LRRN2: variants seen among roughly 807,000 people sequenced by gnomAD.
LRRN2 encodes the protein leucine rich repeat neuronal 2.
A neutral mutation model predicts 35.7 loss-of-function variants in LRRN2; 10 were observed. The observed-to-expected ratio is 0.28, with a 90% confidence interval of 0.17 to 0.47. LRRN2 has a LOEUF of 0.47. LRRN2 is among the 20% of genes least tolerant of loss of function. LRRN2 has a pLI of 0.99. For missense variants in LRRN2, 731 were observed against 940.3 expected (o/e 0.78, Z 2.91); for synonymous variants, 391 against 409.6 (o/e 0.95, Z 0.55).
chr1:204,684,915 C>T (rs1012880917), intron 1 of LRRN2, among the ~76,000 whole-genome samples: 16 of 152,356 alleles, frequency 1.1e-4, no homozygotes, highest in African/African-American at 3.6e-4. Flanking sequence ...CACGCCCTCC[C>T]TAACCTCACT....
At chr1:204,624,800 G>A (rs1436240070) in intron 1 of LRRN2, among the ~76,000 whole-genome samples, 1 of 150,524 alleles carries the variant, frequency 6.6e-6, no homozygotes, top group Non-Finnish European at 1.5e-5. Flanking sequence ...GGTGGCAGGT[G>A]GTGATCGATT....
intron 1 of LRRN2, among the ~76,000 whole-genome samples, chr1:204,651,783 ACT>A (rs1407925780): frequency 9.2e-5 from 14 of 151,824 alleles, no homozygotes; most frequent in African/African-American, 3.4e-4. Flanking sequence ...CGCTCAGAAA[ACT>A]CTTTCAAATG....
rs748128766 is a variant in LRRN2, at chr1:204,619,273, C to G, written c.720G>C (p.Glu240Asp). The change falls in exon 2 of 2, where the codon GAG becomes GAC. Residue 240 changes from glutamate to aspartate, a missense_variant. Physicochemically the swap from Glu to Asp is conservative, Grantham distance 45. Transcript: ENST00000367177. ...GCTGGTTGTCATAGAAGGAGAGGCT[C>G]TCCAGGCTTTGCAGCCCCTCCAGGG... Reference protein sequence around the residue: ...DYALEGLQSLESLSFYDNQLA... With the variant: ...DYALEGLQSLDSLSFYDNQLA... 1 of 1,614,200 alleles carries G rather than the reference C, an allele frequency of 6.2e-7. No individual in the cohort carries two copies. Among genetic ancestry groups the G allele is most frequent in the East Asian group, 2.2e-5 (1 of 44,876 alleles).
At chr1:204,637,912 A>T (rs1388256628) in intron 1 of LRRN2, among the ~76,000 whole-genome samples, 6 of 152,232 alleles carry the variant, frequency 3.9e-5, no homozygotes, top group African/African-American at 1.4e-4. Context: ...TGTGAGTTAA[A>T]GGCATTTTAT....
intron 1 of LRRN2, among the ~76,000 whole-genome samples, chr1:204,675,001 T>G (rs1028319921): frequency 6.6e-6 from 1 of 152,234 alleles, no homozygotes; most frequent in Non-Finnish European, 1.5e-5. Flanking sequence ...AGAGAATTCA[T>G]GTAAGCATCT....
At chr1:204,655,195 ACAGCGGAACT>A (rs750792274) in intron 1 of LRRN2, among the ~76,000 whole-genome samples, 29 of 152,280 alleles carry the variant, frequency 1.9e-4, no homozygotes, top group South Asian at 6.2e-4. Flanking sequence ...AAGTTCTCCG[ACAGCGGAACT>A]GACCACCCCA....
chr1:204,648,998 G>A (rs1159647384), intron 1 of LRRN2, among the ~76,000 whole-genome samples: 1 of 152,228 alleles, frequency 6.6e-6, no homozygotes, highest in Non-Finnish European at 1.5e-5. Flanking sequence ...GTCATCAGAA[G>A]TCAGGTGGAT....
At chr1:204,633,584 C>T (rs1266302512) in intron 1 of LRRN2, among the ~76,000 whole-genome samples, 3 of 152,192 alleles carry the variant, frequency 2.0e-5, no homozygotes, top group Admixed American at 1.3e-4. Context: ...GTTGAATGCT[C>T]ACAGTAAGAG....
intron 1 of LRRN2, among the ~76,000 whole-genome samples, chr1:204,671,651 A>C (rs1253549603): frequency 6.8e-6 from 1 of 146,454 alleles, no homozygotes; most frequent in Admixed American, 6.8e-5. Flanking sequence ...GTAAAAAAAA[A>C]AAAAAAAAAA....
intron 1 of LRRN2, among the ~76,000 whole-genome samples, chr1:204,624,359 C>T (rs1003102659): frequency 4.9e-4 from 74 of 152,234 alleles, no homozygotes; most frequent in African/African-American, 1.8e-3. Flanking sequence ...CTGCTTTTTG[C>T]GCAGCCAGTG....
intron 1 of LRRN2, among the ~76,000 whole-genome samples, chr1:204,644,145 G>A (rs923111551): frequency 1.3e-5 from 2 of 152,042 alleles, no homozygotes; most frequent in African/African-American, 2.4e-5. Context: ...AGGAGGTCCT[G>A]GGGGGAACAG....
At chr1:204,651,622 A>G (rs1355752538) in intron 1 of LRRN2, among the ~76,000 whole-genome samples, 2 of 151,970 alleles carry the variant, frequency 1.3e-5, no homozygotes, top group Non-Finnish European at 2.9e-5. Context: ...CCCCAGCCCC[A>G]GGCAAACCAG....
intron 1 of LRRN2, among the ~76,000 whole-genome samples, chr1:204,640,473 G>A (rs572871907): frequency 5.9e-5 from 9 of 152,294 alleles, no homozygotes; most frequent in South Asian, 4.1e-4. Flanking sequence ...TCTGAAAGTG[G>A]GACTTCTCCC....
rs1186208524 is a variant in LRRN2 at position 204,618,436 on chromosome 1, G to A, written c.1557C>T (p.Leu519=). ...CCTGTCCTTCGTCCCTGCCTGGCTGGAGGAGAGCACGGCCCACAACCACAC... is the reference window on the plus strand; with the variant it reads ...CCTGTCCTTCGTCCCTGCCTGGCTGAAGGAGAGCACGGCCCACAACCACAC... ...TVSVVVGRAL[L]QPGRDEGQGL... is the part of the protein sequence containing the mutation. Residue 519 remains leucine, a synonymous_variant, in exon 2 of 2, where the codon CTC becomes CTT. Transcript: ENST00000367177. 1 of 1,614,186 alleles carries A rather than the reference G, an allele frequency of 6.2e-7. No individual in the cohort carries two copies. The highest frequency in any genetic ancestry group is 2.2e-5 in the East Asian group (1 of 44,876).
chr1:204,618,473 G>A lies in LRRN2; in HGVS notation c.1520C>T (p.Thr507Ile). The change falls in exon 2 of 2, where the codon ACT (threonine) becomes ATT (isoleucine). Residue 507 changes from threonine to isoleucine, a missense_variant. Thr to Ile is a moderately conservative substitution (Grantham distance 89). Around this residue, in one of 3 missense-constraint regions of LRRN2, gnomAD observed 256 missense variants for 392.4 expected, o/e 0.65. Coordinates refer to ENST00000367177, the MANE Select transcript of LRRN2 (RefSeq NM_201630.2). ...GCCCACAACCACACTAACCGTCTTA[G>A]TGTCAGCCCCCACCAGGTTCTGGGC... is the stretch of plus-strand genomic sequence containing the variant. ...CVAQNLVGADTKTVSVVVGRA... is the reference protein window; with the variant it reads ...CVAQNLVGADIKTVSVVVGRA... The A allele has an allele frequency of 6.2e-7, 1 of 1,614,226 alleles. No individual in the cohort carries two copies. The highest frequency in any genetic ancestry group is 8.5e-7 in the Non-Finnish European group (1 of 1,180,032).
intron 1 of LRRN2, chr1:204,620,994 C>A (rs1051416350): frequency 6.0e-6 from 1 of 166,934 alleles, no homozygotes; most frequent in African/African-American, 2.4e-5. Flanking sequence ...GGATGGGCTC[C>A]CCAGGACCCT....
chr1:204,664,800 G>A (rs926490172), intron 1 of LRRN2, among the ~76,000 whole-genome samples: 49 of 152,178 alleles, frequency 3.2e-4, no homozygotes, highest in South Asian at 8.3e-4. Context: ...CGTCTTCTGC[G>A]TCTGCCTTGT....
intron 1 of LRRN2, among the ~76,000 whole-genome samples, chr1:204,627,633 C>T (rs1262303944): frequency 6.6e-6 from 1 of 152,222 alleles, no homozygotes; most frequent in African/African-American, 2.4e-5. Flanking sequence ...TGTCTGCGTG[C>T]ACTGCACCAA....
chr1:204,631,789 A>G (rs745997412), intron 1 of LRRN2, among the ~76,000 whole-genome samples: 2 of 152,078 alleles, frequency 1.3e-5, no homozygotes, highest in Non-Finnish European at 1.5e-5. Context: ...ATTCAAACAT[A>G]TGAAGTGAGT....
Sources: allele counts gnomAD v4.1 joint callset (sites outside exome capture counted in the v4.1 genomes callset), GRCh38; gene constraint gnomAD v4.1.1; regional missense constraint gnomAD v4.1.1; transcripts MANE v1.5; gene names NCBI Gene and HGNC (gene_info 2026-07-23, HGNC 2026-07-21).